The following NRG3 variants were observed in gnomAD, a reference collection of about 807,000 sequenced individuals.
The protein encoded by NRG3 is pro-neuregulin-3, membrane-bound isoform.
Under a neutral mutation model 66.9 loss-of-function variants are expected in NRG3, and 31 were observed. That is an observed-to-expected ratio of 0.46 (90% CI 0.35 to 0.63). The LOEUF (loss-of-function observed/expected upper bound fraction) is 0.63, where lower values mean the gene tolerates loss of function less well. NRG3 is among the 20% of genes least tolerant of loss of function. The pLI, the probability that NRG3 is intolerant of heterozygous loss-of-function variation, is 0.00. For synonymous variants in NRG3, 393 were observed against 359.4 expected (o/e 1.09, Z -1.06); for missense variants, 910 against 878.9 (o/e 1.04, Z -0.45).
At chr10:82,521,715 G>A (rs1846208823) in intron 2 of NRG3, among the ~76,000 whole-genome samples, 1 of 152,158 alleles carries the variant, frequency 6.6e-6, no homozygotes, top group Admixed American at 6.5e-5. Flanking sequence ...AGATTTCTCT[G>A]TAGCATGTGA....
chr10:82,249,487 T>G (rs2077389770), intron 1 of NRG3, among the ~76,000 whole-genome samples: 1 of 152,190 alleles, frequency 6.6e-6, no homozygotes, highest in East Asian at 1.9e-4. Context: ...AAGTTCAGCT[T>G]TTGGCTCATA....
intron 2 of NRG3, among the ~76,000 whole-genome samples, chr10:82,668,466 C>A (rs893769444): frequency 1.3e-5 from 2 of 152,128 alleles, no homozygotes; most frequent in African/African-American, 4.8e-5. Context: ...CTGCATATTC[C>A]CCTATGAGTC....
At chr10:81,963,379 C>T (rs1034287309) in intron 1 of NRG3, among the ~76,000 whole-genome samples, 27 of 149,870 alleles carry the variant, frequency 1.8e-4, no homozygotes, top group Non-Finnish European at 2.5e-4. Context: ...GTGATCCGCC[C>T]GCCTCGGCCT....
intron 6 of NRG3, among the ~76,000 whole-genome samples, chr10:82,970,754 C>A (rs1851646830): frequency 6.6e-6 from 1 of 151,944 alleles, no homozygotes. Context: ...TCTTTATGGT[C>A]TCTAGGTGTT....
intron 2 of NRG3, among the ~76,000 whole-genome samples, chr10:82,667,523 A>G (rs898050099): frequency 2.0e-5 from 3 of 152,184 alleles, no homozygotes; most frequent in Non-Finnish European, 4.4e-5. Flanking sequence ...ACACAGAGAT[A>G]CTGCCTGGAA....
rs918304431 is a variant in NRG3, at chr10:82,232,752, C to T, written c.824-125987C>T. ...ATTTTCTACTCACAGGTCCTAGAGA[C>T]AGGAGGCATGCCATACATGGCAACA... On this transcript the variant is annotated intron_variant, in intron 1 of 8. Coordinates refer to ENST00000372141, the MANE Select transcript of NRG3 (RefSeq NM_001010848.4). 4.2e-6 allele frequency: 3 copies of T among 717,140 alleles called. No homozygotes were observed. The African/African-American group carries it at 5.2e-5, about 13-fold the overall frequency. 44.4% of individuals were successfully genotyped at this position (717,140 alleles called of 1,614,324 possible).
intron 2 of NRG3, among the ~76,000 whole-genome samples, chr10:82,517,429 C>G (rs1220448072): frequency 6.6e-6 from 1 of 152,148 alleles, no homozygotes; most frequent in Non-Finnish European, 1.5e-5. Flanking sequence ...AGTTTGAACA[C>G]TGTCCAAAGG....
intron 2 of NRG3, among the ~76,000 whole-genome samples, chr10:82,494,252 T>C (rs1843417434): frequency 6.6e-6 from 1 of 152,224 alleles, no homozygotes; most frequent in African/African-American, 2.4e-5. Flanking sequence ...TCAGTATTTC[T>C]AAACAGAGAA....
chr10:82,123,987 C>G (rs1489592682), intron 1 of NRG3, among the ~76,000 whole-genome samples: 1 of 151,964 alleles, frequency 6.6e-6, no homozygotes, highest in Non-Finnish European at 1.5e-5. Context: ...GAGATGCATA[C>G]TAATTAGATG....
chr10:82,937,703 C>T (rs901311327), intron 4 of NRG3, among the ~76,000 whole-genome samples: 4 of 152,160 alleles, frequency 2.6e-5, no homozygotes, highest in African/African-American at 9.7e-5. Flanking sequence ...TATAGTAACT[C>T]GGCATTCATT....
In NRG3 at chr10:82,721,123, C is replaced by CTT. The variant is rs531541747; in HGVS notation, c.954-17429_954-17428dup. Among the ~76,000 whole-genome samples, 6 of 47,866 alleles carry CTT rather than the reference C, an allele frequency of 1.3e-4. 1 individual carries two copies. The highest frequency in any genetic ancestry group is 1.4e-4 in the Non-Finnish European group (4 of 28,012). The allele number at this position is 47,866 out of a possible 152,430, so 31.4% of individuals were successfully genotyped here. A position where few individuals can be genotyped will look rare whatever the true frequency, so the allele number is the denominator to read the frequency against. ...ATTTATTTTGAAACAGAGTTTCACC[C>CTT]TTTTTTTTTTTTTTTTTTTTTTTTT... is the stretch of plus-strand genomic sequence containing the variant. On this transcript the variant is annotated intron_variant, in intron 2 of 8. Transcript: ENST00000372141.
At chr10:82,083,120 T>TA (rs2133428929) in intron 1 of NRG3, among the ~76,000 whole-genome samples, 1 of 152,150 alleles carries the variant, frequency 6.6e-6, no homozygotes, top group Non-Finnish European at 1.5e-5. Context: ...ATGAAACTCT[T>TA]AAATACCACT....
chr10:82,302,070 AT>A (rs953643567), intron 1 of NRG3, among the ~76,000 whole-genome samples: 297 of 134,664 alleles, frequency 2.2e-3, no homozygotes, highest in African/African-American at 5.7e-3. Context: ...GCCCTTTCCT[AT>A]TTTTTTTTTC....
chr10:82,864,841 A>C (rs1840550351), intron 3 of NRG3, among the ~76,000 whole-genome samples: 1 of 152,192 alleles, frequency 6.6e-6, no homozygotes, highest in Admixed American at 6.5e-5. Context: ...CAGATTTTGT[A>C]ACCTATGTAA....
At chr10:82,795,658 G>T (rs2135401548) in intron 3 of NRG3, among the ~76,000 whole-genome samples, 1 of 152,282 alleles carries the variant, frequency 6.6e-6, no homozygotes, top group East Asian at 1.9e-4. Flanking sequence ...AAGGTGAAAA[G>T]TAGGAAATAG....
chr10:82,278,824 C>A lies in NRG3; in HGVS notation c.824-79915C>A, dbSNP rs190423804. Among the ~76,000 whole-genome samples, 788 of 152,212 alleles carry A rather than the reference C, an allele frequency of 5.2e-3. 14 individuals carry two copies. Among genetic ancestry groups the A allele is most frequent in the Admixed American group, 0.036 (550 of 15,284 alleles). The stretch of plus-strand genomic sequence containing the variant: ...TAAAAAGTATTAGAAGTCGTGGCCA[C>A]CTCCTCACGGAGCTCTCTTATTTCC... On this transcript the variant is annotated intron_variant, in intron 1 of 8. Transcript: ENST00000372141.
intron 2 of NRG3, among the ~76,000 whole-genome samples, chr10:82,623,346 A>G (rs1473756075): frequency 6.6e-6 from 1 of 152,070 alleles, no homozygotes; most frequent in Non-Finnish European, 1.5e-5. Flanking sequence ...TCTGTGTACT[A>G]TTGCCTTTAA....
At chr10:82,157,913 GT>G (rs1260330742) in intron 1 of NRG3, among the ~76,000 whole-genome samples, 1 of 151,676 alleles carries the variant, frequency 6.6e-6, no homozygotes, top group Admixed American at 6.6e-5. Context: ...ATCAAGTGAT[GT>G]TTTAGGCAAA....
intron 1 of NRG3, among the ~76,000 whole-genome samples, chr10:81,945,886 G>A (rs1293379478): frequency 6.6e-6 from 1 of 152,142 alleles, no homozygotes; most frequent in Non-Finnish European, 1.5e-5. Context: ...GCAGAAATGA[G>A]ATTGATGTAT....
Sources: gnomAD v4.1 joint callset for allele counts (sites outside exome capture counted in the v4.1 genomes callset) on GRCh38, gnomAD v4.1.1 for gene constraint, MANE v1.5 for transcripts, NCBI Gene and HGNC (gene_info 2026-07-23, HGNC 2026-07-21) for gene names.